DAPK1: variants seen among roughly 807,000 people sequenced by gnomAD.
The protein encoded by DAPK1 is death-associated protein kinase 1.
A neutral mutation model predicts 144.9 loss-of-function variants in DAPK1; 56 were observed. The observed-to-expected ratio is 0.39, with a 90% CI of 0.31 to 0.48. The LOEUF is 0.48. DAPK1 is among the 20% of genes least tolerant of loss of function. The probability of loss-of-function intolerance (pLI) is 0.95; values close to 1 mark genes in which losing one functional copy is unlikely to be tolerated. For missense variants in DAPK1, 1,454 were observed against 1,875.4 expected, an observed-to-expected ratio of 0.78 and a Z score of 4.15; for synonymous variants, 690 against 749.0, an observed-to-expected ratio of 0.92 and a Z score of 1.29.
At chr9:87,637,066 A>G (rs1345567628) in intron 3 of DAPK1, among the ~76,000 whole-genome samples, 1 of 151,888 alleles carries the variant, frequency 6.6e-6, no homozygotes, top group East Asian at 1.9e-4. Flanking sequence ...GCAACCAACA[A>G]CATACATTTT....
intron 21 of DAPK1, among the ~76,000 whole-genome samples, chr9:87,694,865 C>T (rs1216107018): frequency 6.6e-6 from 1 of 152,144 alleles, no homozygotes; most frequent in Non-Finnish European, 1.5e-5. Context: ...GTAGCTGCTT[C>T]GGACTCAGAG....
chr9:87,677,758 C>T (rs1289894836), intron 19 of DAPK1, among the ~76,000 whole-genome samples: 1 of 152,300 alleles, frequency 6.6e-6, no homozygotes, highest in East Asian at 1.9e-4. Context: ...ACAGTGGACG[C>T]AGCTCAGGTG....
intron 2 of DAPK1, among the ~76,000 whole-genome samples, chr9:87,510,297 G>A (rs1824787729): frequency 6.6e-6 from 1 of 152,198 alleles, no homozygotes; most frequent in Non-Finnish European, 1.5e-5. Context: ...AGTAGATCCT[G>A]TTTTAAGAAT....
chr9:87,525,513 CAATG>C (rs1406757560), intron 2 of DAPK1: 14 of 1,184,364 alleles, frequency 1.2e-5, no homozygotes, highest in African/African-American at 1.5e-5. Context: ...GGCATATACT[CAATG>C]AAAAACCATG....
chr9:87,670,733 G>A (rs903309988), intron 19 of DAPK1, among the ~76,000 whole-genome samples: 4 of 152,068 alleles, frequency 2.6e-5, no homozygotes, highest in Admixed American at 6.6e-5. Flanking sequence ...TCTCAACTTC[G>A]AGTGCTGTTT....
At chr9:87,547,704 G>C (rs1167954036) in intron 2 of DAPK1, among the ~76,000 whole-genome samples, 1 of 151,940 alleles carries the variant, frequency 6.6e-6, no homozygotes, top group East Asian at 1.9e-4. Context: ...GGCAGGGGTG[G>C]GGGTGCAGGG....
chr9:87,502,772 T>G (rs1467622532), intron 2 of DAPK1, among the ~76,000 whole-genome samples: 7 of 152,242 alleles, frequency 4.6e-5, no homozygotes, highest in Non-Finnish European at 8.8e-5. Context: ...ATGTTTATCC[T>G]GTTTCATGTT....
At chr9:87,569,973 C>G (rs1215878248) in intron 2 of DAPK1, among the ~76,000 whole-genome samples, 2 of 152,112 alleles carry the variant, frequency 1.3e-5, no homozygotes, top group African/African-American at 2.4e-5. Context: ...TATTTCTGGT[C>G]TTATTATATT....
chr9:87,541,700 A>G (rs1826062675), intron 2 of DAPK1, among the ~76,000 whole-genome samples: 1 of 152,228 alleles, frequency 6.6e-6, no homozygotes, highest in Non-Finnish European at 1.5e-5. Flanking sequence ...CTTATTTTCA[A>G]ACTGAAGACA....
intron 2 of DAPK1, among the ~76,000 whole-genome samples, chr9:87,527,888 T>A (rs4877363): frequency 0.45 from 67,935 of 152,134 alleles, 15,462 homozygotes; most frequent in South Asian, 0.57. Flanking sequence ...GCTGAGACCT[T>A]GTCTGCGAAC....
At chr9:87,571,436 A>AACACACAC (rs374135959) in intron 2 of DAPK1, among the ~76,000 whole-genome samples, 12 of 13,026 alleles carry the variant, frequency 9.2e-4, no homozygotes, top group African/African-American at 2.9e-3. Context: ...CCCACCCCCC[A>AACACACAC]ACACACACAC....
intron 2 of DAPK1, among the ~76,000 whole-genome samples, chr9:87,552,331 G>GGAAGGGATATCTGCAGCTGGAA (rs6151066): frequency 0.23 from 35,286 of 151,976 alleles, 4,631 homozygotes; most frequent in Non-Finnish European, 0.31. Context: ...AAGAGGACAA[G>GGAAGGGATATCTGCAGCTGGAA]GGAGGGATAT....
intron 2 of DAPK1, among the ~76,000 whole-genome samples, chr9:87,603,830 C>T (rs889356931): frequency 1.3e-5 from 2 of 152,146 alleles, no homozygotes; most frequent in African/African-American, 2.4e-5. Flanking sequence ...CACCGTCTCA[C>T]GCACTTACTG....
chr9:87,662,415 A>G (rs929533551), intron 18 of DAPK1, among the ~76,000 whole-genome samples: 1 of 152,120 alleles, frequency 6.6e-6, no homozygotes, highest in Non-Finnish European at 1.5e-5. Flanking sequence ...TTCAGGCAGT[A>G]TGGTCATTTT....
chr9:87,675,895 A>ACACACACC lies in DAPK1; in HGVS notation c.2002-5508_2002-5507insACACACCC, dbSNP rs1179826339. Among the ~76,000 whole-genome samples, 184 of 132,882 alleles carry ACACACACC rather than the reference A, an allele frequency of 1.4e-3. 4 individuals are homozygous for ACACACACC. Among genetic ancestry groups the ACACACACC allele is most frequent in the Middle Eastern group, 3.7e-3 (1 of 272 alleles). The allele number at this position is 132,882 out of a possible 152,430, so 87.2% of individuals were successfully genotyped here. On this transcript the variant is annotated intron_variant, in intron 19 of 25. Transcript: ENST00000408954. ...CACACACACACACACACACACACACACCCTTATGACCACCTGGAAGGTTCT... is the reference window on the plus strand; with the variant it reads ...CACACACACACACACACACACACACACACACACCCCCTTATGACCACCTGGAAGGTTCT...
chr9:87,537,961 T>G (rs1825917184), intron 2 of DAPK1, among the ~76,000 whole-genome samples: 1 of 152,192 alleles, frequency 6.6e-6, no homozygotes, highest in South Asian at 2.1e-4. Flanking sequence ...CCAAAATCCC[T>G]TAGGAATTAC....
intron 21 of DAPK1, among the ~76,000 whole-genome samples, chr9:87,689,781 G>C (rs1182896180): frequency 1.3e-5 from 2 of 152,010 alleles, no homozygotes; most frequent in African/African-American, 4.8e-5. Context: ...CCCAGTATGT[G>C]TTCTTATTGC....
chr9:87,502,529 G>GT (rs1824442088), intron 2 of DAPK1, among the ~76,000 whole-genome samples: 1 of 152,192 alleles, frequency 6.6e-6, no homozygotes, highest in South Asian at 2.1e-4. Context: ...TCGGGCTCTA[G>GT]TTACACCCTT....
rs575551865 is a variant in DAPK1, at chr9:87,673,641, G to A, written c.2001+4967G>A. Among the ~76,000 whole-genome samples, 8 of 152,190 alleles carry A rather than the reference G, an allele frequency of 5.3e-5. No homozygotes were observed. In the South Asian group the frequency reaches 1.5e-3, roughly 28 times the overall value. On this transcript the variant is annotated intron_variant, in intron 19 of 25. Transcript: ENST00000408954. ...TGAGCTGCATGGGATCGACTCTGAC[G>A]CACCTCCACATTAAGTGAACTCGGG...
Sources: gnomAD v4.1 joint callset for allele counts (sites outside exome capture counted in the v4.1 genomes callset) on GRCh38, gnomAD v4.1.1 for gene constraint, MANE v1.5 for transcripts, NCBI Gene and HGNC (gene_info 2026-07-23, HGNC 2026-07-21) for gene names.